Variants in ACVR1 observed in about 807,000 individuals in gnomAD.
The protein encoded by ACVR1 is activin A receptor type 1.
Under a neutral mutation model 57.1 loss-of-function variants are expected in ACVR1, and 38 were observed. That is an observed-to-expected ratio of 0.67 (90% confidence interval 0.51 to 0.87). The LOEUF (loss-of-function observed/expected upper bound fraction) is 0.87. Among genes scored for constraint, ACVR1 ranks in the 40% least tolerant of loss-of-function variants. The pLI is 0.00. For missense variants in ACVR1, 463 were observed against 638.2 expected, an observed-to-expected ratio of 0.73 and a Z score of 2.96; for synonymous variants, 212 against 228.1, an observed-to-expected ratio of 0.93 and a Z score of 0.63.
At chr2:157,871,823 C>T (rs1690122836) in intron 1 of ACVR1, among the ~76,000 whole-genome samples, 1 of 152,084 alleles carries the variant, frequency 6.6e-6, no homozygotes, top group African/African-American at 2.4e-5. Context: ...AGGAAGCTGC[C>T]GAATATCTTA....
At chr2:157,871,318 T>C (rs1462792884) in intron 1 of ACVR1, among the ~76,000 whole-genome samples, 1 of 152,152 alleles carries the variant, frequency 6.6e-6, no homozygotes, top group African/African-American at 2.4e-5. Context: ...CTCTGAGCCT[T>C]GAAGAATCTG....
intron 1 of ACVR1, among the ~76,000 whole-genome samples, chr2:157,841,449 C>T (rs1688971428): frequency 6.6e-6 from 1 of 152,108 alleles, no homozygotes; most frequent in Admixed American, 6.6e-5. Flanking sequence ...ACTAAGACTG[C>T]TTAGACATGT....
chr2:157,786,248 T>A (rs565066374), intron 3 of ACVR1, among the ~76,000 whole-genome samples: 1 of 152,248 alleles, frequency 6.6e-6, no homozygotes, highest in Admixed American at 6.5e-5. Flanking sequence ...ACCTTTCCTA[T>A]AGATTGTAAG....
At chr2:157,820,142 C>CT (rs1298746276) in intron 1 of ACVR1, among the ~76,000 whole-genome samples, 1 of 152,200 alleles carries the variant, frequency 6.6e-6, no homozygotes, top group African/African-American at 2.4e-5. Context: ...AAAAGAAAAT[C>CT]TAGACACGTA....
At chr2:157,818,939 G>A (rs373783760) in intron 1 of ACVR1, among the ~76,000 whole-genome samples, 5,519 of 150,502 alleles carry the variant, frequency 0.037, 357 homozygotes, top group African/African-American at 0.13. Context: ...TTAGCCGGGC[G>A]TAGTGGCGGG....
intron 1 of ACVR1, among the ~76,000 whole-genome samples, chr2:157,833,402 A>G (rs1016755022): frequency 6.6e-6 from 1 of 152,154 alleles, no homozygotes; most frequent in Admixed American, 6.5e-5. Flanking sequence ...AGTGCCTAAG[A>G]GTGCTCTCTG....
chr2:157,801,738 A>C (rs1469780077), intron 2 of ACVR1, among the ~76,000 whole-genome samples: 3 of 152,148 alleles, frequency 2.0e-5, no homozygotes, highest in Non-Finnish European at 4.4e-5. Context: ...GTACTTATTT[A>C]TTTTATATAA....
intron 1 of ACVR1, among the ~76,000 whole-genome samples, chr2:157,833,397 C>T (rs755502988): frequency 6.6e-6 from 1 of 152,168 alleles, no homozygotes; most frequent in Non-Finnish European, 1.5e-5. Flanking sequence ...TTAAAAGTGC[C>T]TAAGAGTGCT....
At chr2:157,864,603 A>T (rs1689849283) in intron 1 of ACVR1, among the ~76,000 whole-genome samples, 1 of 152,152 alleles carries the variant, frequency 6.6e-6, no homozygotes, top group South Asian at 2.1e-4. Context: ...TCAGCAGGAA[A>T]TCCAATCATC....
intron 2 of ACVR1, among the ~76,000 whole-genome samples, chr2:157,801,382 T>C (rs1687323129): frequency 6.6e-6 from 1 of 152,190 alleles, no homozygotes; most frequent in Admixed American, 6.5e-5. Context: ...TGACAAGTGT[T>C]CTAAAACCAT....
At position 157,876,246 on chromosome 2, in the gene ACVR1, C is replaced by T. The variant is rs889716508; in HGVS notation, c.-633G>A. On this transcript the variant is annotated 5_prime_UTR_variant, in exon 1 of 11. Transcript: ENST00000434821. The stretch of plus-strand genomic sequence containing the variant: ...GACCAGCTGGGCTTGCCCCCGGGGG[C>T]GGCGGGGGAGACCGTCACAGAGAGT... Among the ~76,000 whole-genome samples the T allele has an allele frequency of 6.9e-6, 1 of 145,906 alleles. No individual in the cohort carries two copies. The highest frequency in any genetic ancestry group is 1.5e-5 in the Non-Finnish European group (1 of 66,152).
rs189672884 is a variant in ACVR1 at position 157,751,349 on chromosome 2, G to A, written c.1264+9531C>T. 9.0e-3 allele frequency among the ~76,000 whole-genome samples: 1,373 copies of A among 152,324 alleles called. 23 individuals carry two copies. Among genetic ancestry groups the A allele is most frequent in the Non-Finnish European group, 0.01 (681 of 68,026 alleles). On this transcript the variant is annotated intron_variant, in intron 9 of 10. Coordinates refer to ENST00000434821, the MANE Select transcript of ACVR1 (RefSeq NM_001111067.4). Reference sequence around the variant, plus strand: ...AGCCATTTCTGACTTGTCTTACAGCGGTCCTTGGGAAGGGCTGCCGGAGGA... The same window carrying A: ...AGCCATTTCTGACTTGTCTTACAGCAGTCCTTGGGAAGGGCTGCCGGAGGA...
At chr2:157,793,120 T>C (rs1469776731) in intron 3 of ACVR1, among the ~76,000 whole-genome samples, 1 of 152,062 alleles carries the variant, frequency 6.6e-6, no homozygotes, top group Non-Finnish European at 1.5e-5. Context: ...GCTTTACAAG[T>C]TTTTCCATAA....
intron 5 of ACVR1, 35 bp downstream of exon 5, chr2:157,778,096 T>C: frequency 6.2e-7 from 1 of 1,608,720 alleles, no homozygotes; most frequent in Non-Finnish European, 8.5e-7. Flanking sequence ...GACACCTTCC[T>C]TATGCTTGGG....
chr2:157,753,144 T>C (rs1462490609), intron 9 of ACVR1, among the ~76,000 whole-genome samples: 2 of 152,046 alleles, frequency 1.3e-5, no homozygotes, highest in South Asian at 2.1e-4. Context: ...TGGACACCAA[T>C]AGCAAGCAGA....
intron 2 of ACVR1, among the ~76,000 whole-genome samples, chr2:157,800,825 A>G (rs888423699): frequency 5.3e-5 from 8 of 152,028 alleles, no homozygotes; most frequent in African/African-American, 1.9e-4. Context: ...CCTCCAACAC[A>G]TCTCTGTACC....
At chr2:157,816,603 GTAA>G (rs35068721) in intron 2 of ACVR1, among the ~76,000 whole-genome samples, 16,404 of 150,370 alleles carry the variant, frequency 0.11, 2,574 homozygotes, top group African/African-American at 0.35. Context: ...CCTCAAAATA[GTAA>G]TAATAATAAT....
intron 3 of ACVR1, among the ~76,000 whole-genome samples, chr2:157,781,428 AG>A (rs1241915064): frequency 6.6e-6 from 1 of 152,252 alleles, no homozygotes; most frequent in Non-Finnish European, 1.5e-5. Context: ...CAATATTTCC[AG>A]CTAGATGCCT....
intron 1 of ACVR1, among the ~76,000 whole-genome samples, chr2:157,819,898 G>A (rs2105331261): frequency 6.6e-6 from 1 of 152,292 alleles, no homozygotes; most frequent in South Asian, 2.1e-4. Context: ...ACAAAACACT[G>A]AAGAACTTAC....
Sources: gnomAD v4.1 joint callset for allele counts (sites outside exome capture counted in the v4.1 genomes callset) on GRCh38, gnomAD v4.1.1 for gene constraint, MANE v1.5 for transcripts, NCBI Gene and HGNC (gene_info 2026-07-23, HGNC 2026-07-21) for gene names.